The following AHRR variants were observed in gnomAD, a reference collection of about 807,000 sequenced individuals.
The protein encoded by AHRR is ahR repressor.
A neutral mutation model predicts 44.0 loss-of-function variants in AHRR; 28 were observed. The ratio of observed to expected loss-of-function variants is 0.64; its 90% CI spans 0.47 to 0.87. The LOEUF (loss-of-function observed/expected upper bound fraction) is 0.87, where lower values mean the gene tolerates loss of function less well. Among genes scored for constraint, AHRR ranks in the 40% least tolerant of loss-of-function variants. The probability of loss-of-function intolerance (pLI) is 0.00; values close to 1 mark genes in which losing one functional copy is unlikely to be tolerated. For missense variants in AHRR, 990 were observed against 953.9 expected (o/e 1.04, Z -0.50); for synonymous variants, 434 against 407.0 (o/e 1.07, Z -0.80).
chr5:434,938 ACG>A lies in AHRR; in HGVS notation c.*106_*107del, dbSNP rs1579720360. 2.8e-6 allele frequency: 4 copies of A among 1,432,002 alleles called. No homozygotes were observed. The highest frequency in any genetic ancestry group is 2.5e-5 in the East Asian group (1 of 39,960). The allele number at this position is 1,432,002 out of a possible 1,614,324, so 88.7% of individuals were successfully genotyped here. On this transcript the variant is annotated 3_prime_UTR_variant, in exon 11 of 11. Coordinates refer to ENST00000684583, the MANE Select transcript of AHRR (RefSeq NM_001377236.1). ...CAGGCCGGAGCCCGTCCTAAGACACACGCTTTGCAGAGCTGTGCATGCGCAGT... is the reference window on the plus strand; with the variant it reads ...CAGGCCGGAGCCCGTCCTAAGACACACTTTGCAGAGCTGTGCATGCGCAGT...
At position 415,255 on chromosome 5, in the gene AHRR, C is replaced by T. The variant is rs759777735; in HGVS notation, c.441+1822C>T. ...GAAAGGGTCCCAGAGCCAGCATTCA[C>T]GCTGAGCCAGAGGCAGCACACGGTG... On this transcript the variant is annotated intron_variant, in intron 5 of 10. Transcript: ENST00000684583. Among the ~76,000 whole-genome samples, 9 of 152,386 alleles carry T rather than the reference C, an allele frequency of 5.9e-5. No individual in the cohort carries two copies. The South Asian group carries it at 6.2e-4, about 11-fold the overall frequency.
intron 6 of AHRR, 33 bp from the exon 7 acceptor site, chr5:423,808 A>C (rs750514586): frequency 6.4e-7 from 1 of 1,563,992 alleles, no homozygotes; most frequent in South Asian, 1.1e-5. Flanking sequence ...GGCTTCTCCC[A>C]CCGCCACGCC....
intron 3 of AHRR, among the ~76,000 whole-genome samples, chr5:363,032 T>C (rs1743234049): frequency 6.6e-6 from 1 of 152,214 alleles, no homozygotes; most frequent in African/African-American, 2.4e-5. Context: ...CAGGCTGGGC[T>C]TGTTGATTAG....
chr5:373,317 G>T (rs1051633090), intron 3 of AHRR, among the ~76,000 whole-genome samples: 1 of 152,246 alleles, frequency 6.6e-6, no homozygotes, highest in Non-Finnish European at 1.5e-5. Context: ...CCGAGGGGTG[G>T]GCCCTGGGAG....
At position 432,960 on chromosome 5, in the gene AHRR, AG is replaced by A. The variant is rs760921252; in HGVS notation, c.1112+15del. On this transcript the variant is annotated intron_variant, in intron 10 of 10. Coordinates refer to ENST00000684583, the MANE Select transcript of AHRR (RefSeq NM_001377236.1). ...AGGGGGGCTCAGGGTAAGTGGTGCC[AG>A]GCAGCCTCCCCCAGCCCTGGCAGCT... 56 of 1,579,782 alleles carry A rather than the reference AG, an allele frequency of 3.5e-5. No individual in the cohort carries two copies. Among genetic ancestry groups the A allele is most frequent in the Non-Finnish European group, 4.6e-5 (53 of 1,162,398 alleles).
intron 4 of AHRR, among the ~76,000 whole-genome samples, chr5:379,061 C>G (rs559475051): frequency 1.3e-5 from 2 of 152,370 alleles, no homozygotes; most frequent in South Asian, 4.1e-4. Flanking sequence ...CCCCTGCCCC[C>G]AGCCACGGCC....
chr5:351,215 C>T (rs1321862595), intron 2 of AHRR, among the ~76,000 whole-genome samples: 2 of 152,164 alleles, frequency 1.3e-5, no homozygotes, highest in African/African-American at 2.4e-5. Context: ...GAAAATGAAA[C>T]AGAATTAACA....
At chr5:433,760 T>G in intron 10 of AHRR, 93 bp from the exon 11 acceptor site, 1 of 1,338,136 alleles carries the variant, frequency 7.5e-7, no homozygotes, top group Non-Finnish European at 9.7e-7. Flanking sequence ...AGCATCGTCC[T>G]GATTTCGTAG....
At chr5:396,351 G>A (rs544427909) in intron 4 of AHRR, among the ~76,000 whole-genome samples, 1 of 152,294 alleles carries the variant, frequency 6.6e-6, no homozygotes, top group Non-Finnish European at 1.5e-5. Context: ...TGATGGGGGT[G>A]GAGAACCAAG....
At chr5:367,371 C>A (rs1743395771) in intron 3 of AHRR, among the ~76,000 whole-genome samples, 1 of 152,224 alleles carries the variant, frequency 6.6e-6, no homozygotes, top group Non-Finnish European at 1.5e-5. Flanking sequence ...TCATTTTGGG[C>A]AGCTGGGCCT....
intron 4 of AHRR, among the ~76,000 whole-genome samples, chr5:393,540 C>T (rs11737954): frequency 0.098 from 14,974 of 152,268 alleles, 1,014 homozygotes; most frequent in Admixed American, 0.13. Flanking sequence ...TGCAGGGCCA[C>T]GTGGCCTTGC....
rs1553978917 is a variant in AHRR, at chr5:344,963, T to TTG, written c.62+1000_62+1001dup. The stretch of plus-strand genomic sequence containing the variant: ...GTGTGGGGGGGGTGTGTGTGTGAGG[T>TTG]TGGGGGCTGTGTGGGGTGTGTGTGA... On this transcript the variant is annotated intron_variant, in intron 2 of 10. Transcript: ENST00000684583. Among the ~76,000 whole-genome samples the TTG allele has an allele frequency of 3.2e-4, 6 of 18,502 alleles. 1 individual carries two copies. The highest frequency in any genetic ancestry group is 5.6e-4 in the Admixed American group (1 of 1,772). 12.1% of individuals were successfully genotyped at this position (18,502 alleles called of 152,430 possible).
intron 1 of AHRR, among the ~76,000 whole-genome samples, chr5:336,814 C>A (rs1264080628): frequency 6.6e-6 from 1 of 152,046 alleles, no homozygotes; most frequent in East Asian, 1.9e-4. Flanking sequence ...AGTCTTTAGT[C>A]AATTTTAGGT....
chr5:426,933 A>G (rs1449039588), intron 7 of AHRR, among the ~76,000 whole-genome samples: 2 of 146,496 alleles, frequency 1.4e-5, no homozygotes, highest in African/African-American at 5.1e-5. Flanking sequence ...GGATGGAAAC[A>G]TGGCTGGATG....
At chr5:421,883 C>T (rs1439577628) in intron 5 of AHRR, among the ~76,000 whole-genome samples, 2 of 152,196 alleles carry the variant, frequency 1.3e-5, no homozygotes, top group African/African-American at 2.4e-5. Flanking sequence ...TTAAGGAGCT[C>T]CTCCTCCAGT....
chr5:414,123 T>C (rs1735595266), intron 5 of AHRR, among the ~76,000 whole-genome samples: 1 of 151,872 alleles, frequency 6.6e-6, no homozygotes, highest in Non-Finnish European at 1.5e-5. Context: ...ATTAGCTGGG[T>C]GTGGTGGCGT....
intron 4 of AHRR, among the ~76,000 whole-genome samples, chr5:407,520 T>A (rs916310656): frequency 2.0e-5 from 3 of 152,194 alleles, no homozygotes; most frequent in Non-Finnish European, 4.4e-5. Flanking sequence ...TTGTACTGAA[T>A]TATTTTATTT....
At chr5:382,863 A>G (rs1213286801) in intron 4 of AHRR, among the ~76,000 whole-genome samples, 4 of 152,054 alleles carry the variant, frequency 2.6e-5, no homozygotes, top group African/African-American at 4.8e-5. Context: ...TAAATCACTG[A>G]TTTTTTTAAC....
chr5:346,853 G>C (rs1742695722), intron 2 of AHRR, among the ~76,000 whole-genome samples: 1 of 152,238 alleles, frequency 6.6e-6, no homozygotes, highest in Admixed American at 6.5e-5. Flanking sequence ...TGTGCCGTGA[G>C]TAGTAAGCCC....
Sources: allele counts gnomAD v4.1 joint callset (sites outside exome capture counted in the v4.1 genomes callset), GRCh38; gene constraint gnomAD v4.1.1; transcripts MANE v1.5; gene names NCBI Gene and HGNC (gene_info 2026-07-23, HGNC 2026-07-21).